TBC1D22A: variants seen among roughly 807,000 people sequenced by gnomAD.
TBC1D22A encodes TBC1 domain family member 22A.
In TBC1D22A, 38 loss-of-function variants were observed where a neutral mutation model predicts 60.2. The ratio of observed to expected loss-of-function variants is 0.63; its 90% CI spans 0.49 to 0.83. The LOEUF is 0.83. TBC1D22A is among the 40% of genes least tolerant of loss of function. The pLI, the probability that TBC1D22A is intolerant of heterozygous loss-of-function variation, is 0.00. For synonymous variants in TBC1D22A, 302 were observed against 281.7 expected (o/e 1.07, Z -0.72); for missense variants, 628 against 701.0 (o/e 0.90, Z 1.18).
intron 8 of TBC1D22A, among the ~76,000 whole-genome samples, chr22:46,926,916 T>C (rs1194109019): frequency 6.6e-6 from 1 of 152,242 alleles, no homozygotes; most frequent in African/African-American, 2.4e-5. Context: ...ATTTAAATAA[T>C]GTTAACTTGT....
At chr22:47,101,570 C>G (rs2065418106) in intron 11 of TBC1D22A, among the ~76,000 whole-genome samples, 1 of 152,258 alleles carries the variant, frequency 6.6e-6, no homozygotes, top group South Asian at 2.1e-4. Context: ...CCCCAGCATC[C>G]TCGGTACTCA....
chr22:46,860,932 T>A (rs1940334280), intron 4 of TBC1D22A, among the ~76,000 whole-genome samples: 1 of 152,210 alleles, frequency 6.6e-6, no homozygotes, highest in African/African-American at 2.4e-5. Context: ...GCTCTGCTCA[T>A]TCTGAGAAGC....
chr22:47,107,477 A>G (rs1389668502), intron 11 of TBC1D22A, among the ~76,000 whole-genome samples: 1 of 152,220 alleles, frequency 6.6e-6, no homozygotes, highest in African/African-American at 2.4e-5. Context: ...TTAGGACCCT[A>G]TTTTCAATAT....
chr22:46,945,333 AG>A (rs2072466526), intron 8 of TBC1D22A, among the ~76,000 whole-genome samples: 1 of 152,254 alleles, frequency 6.6e-6, no homozygotes, highest in Non-Finnish European at 1.5e-5. Context: ...GATGAAAATT[AG>A]AAGGCCTGTT....
chr22:46,842,712 G>A lies in TBC1D22A; in HGVS notation c.638-35941G>A, dbSNP rs554432344. ...TAGAACATCAGCCTTACTGCAGAAC[G>A]TTCTCCAGGGCCCTTTGGCAGTGCA... On this transcript the variant is annotated intron_variant, in intron 4 of 12. Transcript: ENST00000337137. Among the ~76,000 whole-genome samples, 49 of 152,380 alleles carry A rather than the reference G, an allele frequency of 3.2e-4. 1 individual carries two copies. The highest frequency in any genetic ancestry group is 5.5e-4 in the African/African-American group (23 of 41,602).
chr22:47,041,125 A>G (rs1197036099), intron 11 of TBC1D22A, among the ~76,000 whole-genome samples: 1 of 152,184 alleles, frequency 6.6e-6, no homozygotes, highest in Non-Finnish European at 1.5e-5. Flanking sequence ...TATTTTTGGC[A>G]GGTGAGTATT....
At chr22:46,962,704 A>G (rs2073574013) in intron 8 of TBC1D22A, among the ~76,000 whole-genome samples, 1 of 152,242 alleles carries the variant, frequency 6.6e-6, no homozygotes, top group Admixed American at 6.5e-5. Context: ...ATGTTATAAA[A>G]TGGGAGATCC....
chr22:46,906,534 A>T (rs2069480551), intron 7 of TBC1D22A, among the ~76,000 whole-genome samples: 1 of 152,232 alleles, frequency 6.6e-6, no homozygotes, highest in African/African-American at 2.4e-5. Context: ...CTCTGCGCTG[A>T]TGGCAGGCGC....
intron 4 of TBC1D22A, 137 bp downstream of exon 4, chr22:46,797,757 G>T: frequency 4.5e-6 from 4 of 885,540 alleles, no homozygotes; most frequent in Non-Finnish European, 4.8e-6. Flanking sequence ...GGAAGGTGAT[G>T]TTTTCATGTA....
At chr22:46,979,562 G>T (rs534187723) in intron 9 of TBC1D22A, among the ~76,000 whole-genome samples, 2 of 152,178 alleles carry the variant, frequency 1.3e-5, no homozygotes, top group Admixed American at 6.5e-5. Flanking sequence ...GTTCTTCCAC[G>T]TGTTGGTCAG....
chr22:46,908,533 C>T (rs910716628), intron 7 of TBC1D22A, among the ~76,000 whole-genome samples: 7 of 152,244 alleles, frequency 4.6e-5, no homozygotes, highest in African/African-American at 1.4e-4. Context: ...GACATCAAGC[C>T]GAGTTAAATC....
At chr22:46,982,864 G>A (rs1329017092) in intron 9 of TBC1D22A, among the ~76,000 whole-genome samples, 4 of 152,076 alleles carry the variant, frequency 2.6e-5, no homozygotes, top group Non-Finnish European at 2.9e-5. Flanking sequence ...AGTGTGGAGC[G>A]GTGGCAGCGG....
chr22:46,877,458 A>G (rs1453665173), intron 4 of TBC1D22A, among the ~76,000 whole-genome samples: 2 of 152,360 alleles, frequency 1.3e-5, no homozygotes, highest in East Asian at 1.9e-4. Context: ...CACTGGGAAC[A>G]TGGTCGGTAA....
intron 7 of TBC1D22A, among the ~76,000 whole-genome samples, chr22:46,905,960 T>C (rs5769229): frequency 0.41 from 62,206 of 151,974 alleles, 15,563 homozygotes; most frequent in African/African-American, 0.68. Context: ...CTGTCTGCTG[T>C]GTTGGTGGGA....
intron 10 of TBC1D22A, among the ~76,000 whole-genome samples, chr22:46,998,109 G>A (rs969795177): frequency 6.6e-6 from 1 of 152,036 alleles, no homozygotes; most frequent in African/African-American, 2.4e-5. Context: ...ACTAATTACT[G>A]AGTCTGGAAA....
intron 11 of TBC1D22A, among the ~76,000 whole-genome samples, chr22:47,099,487 C>G (rs560836819): frequency 2.0e-4 from 30 of 150,952 alleles, no homozygotes; most frequent in African/African-American, 7.1e-4. Flanking sequence ...CTCTTGTTGC[C>G]CAGGCTGGAG....
At chr22:46,818,588 C>G (rs1017320139) in intron 4 of TBC1D22A, among the ~76,000 whole-genome samples, 2 of 152,116 alleles carry the variant, frequency 1.3e-5, no homozygotes, top group Non-Finnish European at 2.9e-5. Context: ...CTTCTGAGGT[C>G]TCTGTTCTGC....
At chr22:46,992,924 C>T (rs1295789614) in intron 9 of TBC1D22A, among the ~76,000 whole-genome samples, 1 of 152,080 alleles carries the variant, frequency 6.6e-6, no homozygotes, top group African/African-American at 2.4e-5. Flanking sequence ...CGAGGTGTTT[C>T]AGAGGCAGGT....
At position 46,932,720 on chromosome 22, in the gene TBC1D22A, C is replaced by CTTTTTTTTTT. The variant is rs67463903; in HGVS notation, c.1015+20545_1015+20554dup. The stretch of plus-strand genomic sequence containing the variant: ...AGTGCAGTGTGCGTTGTCCTTCTTG[C>CTTTTTTTTTT]TTTTTTTTTTTTTTTTTTTTTTGAG... On this transcript the variant is annotated intron_variant, in intron 8 of 12. Coordinates refer to ENST00000337137, the MANE Select transcript of TBC1D22A (RefSeq NM_014346.5). Among the ~76,000 whole-genome samples, 316 of 66,320 alleles carry CTTTTTTTTTT rather than the reference C, an allele frequency of 4.8e-3. 29 individuals are homozygous for CTTTTTTTTTT. Among genetic ancestry groups the CTTTTTTTTTT allele is most frequent in the African/African-American group, 0.02 (296 of 14,752 alleles). The allele number at this position is 66,320 out of a possible 152,430, so 43.5% of individuals were successfully genotyped here. A position where few individuals can be genotyped will look rare whatever the true frequency, so the allele number is the denominator to read the frequency against.
Sources: allele counts gnomAD v4.1 joint callset (sites outside exome capture counted in the v4.1 genomes callset), GRCh38; gene constraint gnomAD v4.1.1; transcripts MANE v1.5; gene names NCBI Gene and HGNC (gene_info 2026-07-23, HGNC 2026-07-21).